The following BTRC variants were observed in gnomAD, a reference collection of about 807,000 sequenced individuals.
BTRC encodes the protein beta-transducin repeat containing E3 ubiquitin protein ligase.
BTRC carries 42 observed loss-of-function variants against 85.5 expected under a neutral mutation model. That is an observed-to-expected ratio of 0.49 (90% CI 0.38 to 0.64). The LOEUF (loss-of-function observed/expected upper bound fraction) is 0.64. BTRC is among the 30% of genes least tolerant of loss of function. BTRC has a pLI of 0.00. For synonymous variants in BTRC, 255 were observed against 263.3 expected, an observed-to-expected ratio of 0.97 and a Z score of 0.30; for missense variants, 594 against 743.5, an observed-to-expected ratio of 0.80 and a Z score of 2.34.
intron 1 of BTRC, among the ~76,000 whole-genome samples, chr10:101,378,014 T>A (rs1171133130): frequency 6.6e-6 from 1 of 152,170 alleles, no homozygotes; most frequent in African/African-American, 2.4e-5. Flanking sequence ...TTATGGACAC[T>A]GTGATCAAGA....
chr10:101,513,257 C>G (rs1443423479), intron 4 of BTRC, among the ~76,000 whole-genome samples: 1 of 152,066 alleles, frequency 6.6e-6, no homozygotes, highest in Non-Finnish European at 1.5e-5. Flanking sequence ...GTGGATTTAT[C>G]AGTAGGAATA....
intron 1 of BTRC, among the ~76,000 whole-genome samples, chr10:101,386,294 A>G (rs1427642282): frequency 6.6e-6 from 1 of 152,232 alleles, no homozygotes; most frequent in Non-Finnish European, 1.5e-5. Context: ...TACACTCTGC[A>G]TCTAGAAGCA....
intron 2 of BTRC, among the ~76,000 whole-genome samples, chr10:101,436,571 C>T (rs774846146): frequency 2.0e-5 from 3 of 151,310 alleles, no homozygotes; most frequent in Non-Finnish European, 2.9e-5. Context: ...GCCATGATTG[C>T]GACACTGCAT....
chr10:101,401,449 G>A (rs1052402694), intron 1 of BTRC, among the ~76,000 whole-genome samples: 1 of 152,142 alleles, frequency 6.6e-6, no homozygotes, highest in African/African-American at 2.4e-5. Context: ...TTTCTTTTAG[G>A]TGGGTATTAA....
At chr10:101,414,030 G>A (rs1943855468) in intron 1 of BTRC, among the ~76,000 whole-genome samples, 2 of 152,056 alleles carry the variant, frequency 1.3e-5, no homozygotes, top group South Asian at 2.1e-4. Flanking sequence ...GTACAATTCA[G>A]TAGTTTTAGC....
intron 13 of BTRC, among the ~76,000 whole-genome samples, chr10:101,550,458 T>C (rs1167384565): frequency 6.6e-6 from 1 of 152,030 alleles, no homozygotes; most frequent in Non-Finnish European, 1.5e-5. Flanking sequence ...TAACTTTTTG[T>C]ATTTTTATAG....
chr10:101,541,794 T>C, intron 13 of BTRC, among the ~76,000 whole-genome samples: 1 of 152,286 alleles, frequency 6.6e-6, no homozygotes, highest in East Asian at 1.9e-4. Context: ...GTTCATGAGG[T>C]ATAATTCTTT....
In BTRC at chr10:101,438,422, CAAAAAAAAA is replaced by C. The variant is rs34955428; in HGVS notation, c.156+7990_156+7998del. Among the ~76,000 whole-genome samples, 73 of 57,776 alleles carry C rather than the reference CAAAAAAAAA, an allele frequency of 1.3e-3. No individual in the cohort carries two copies. The East Asian group carries it at 0.015, about 12-fold the overall frequency. The allele number at this position is 57,776 out of a possible 152,430, so 37.9% of individuals were successfully genotyped here. A position where few individuals can be genotyped will look rare whatever the true frequency, so the allele number is the denominator to read the frequency against. On this transcript the variant is annotated intron_variant, in intron 2 of 14. Transcript: ENST00000370187. The stretch of plus-strand genomic sequence containing the variant: ...CCTGGGCGACAGAGCGAGACTGCCT[CAAAAAAAAA>C]AAAAAAAAAAAAAAAAAAAGTCTTC...
chr10:101,385,872 T>C (rs1943066049), intron 1 of BTRC, among the ~76,000 whole-genome samples: 1 of 151,556 alleles, frequency 6.6e-6, no homozygotes, highest in South Asian at 2.1e-4. Context: ...ATTTAAAAGG[T>C]TTTGCTGATA....
chr10:101,356,635 T>C (rs1564723480), intron 1 of BTRC, among the ~76,000 whole-genome samples: 1 of 152,186 alleles, frequency 6.6e-6, no homozygotes, highest in Non-Finnish European at 1.5e-5. Context: ...TTGCCTGCTG[T>C]TTTGGCTGCC....
chr10:101,503,310 G>C (rs1178048999), intron 4 of BTRC, among the ~76,000 whole-genome samples: 1 of 152,152 alleles, frequency 6.6e-6, no homozygotes, highest in Non-Finnish European at 1.5e-5. Flanking sequence ...TCTACATTTA[G>C]TCATAGTCAT....
At chr10:101,427,045 T>A (rs1053103799) in intron 1 of BTRC, among the ~76,000 whole-genome samples, 15 of 152,254 alleles carry the variant, frequency 9.9e-5, no homozygotes, top group Non-Finnish European at 1.8e-4. Context: ...GTGAGATTTT[T>A]TTCTACCCAG....
At chr10:101,391,997 T>G (rs79798670) in intron 1 of BTRC, among the ~76,000 whole-genome samples, 4 of 152,170 alleles carry the variant, frequency 2.6e-5, no homozygotes, top group African/African-American at 7.2e-5. Flanking sequence ...TTTTTTTTTT[T>G]GAGACGGAGG....
chr10:101,476,913 C>G (rs1042262012), intron 3 of BTRC, among the ~76,000 whole-genome samples: 3 of 152,132 alleles, frequency 2.0e-5, no homozygotes, highest in Non-Finnish European at 2.9e-5. Context: ...GCAGCACTAA[C>G]GTCAACTGGG....
At chr10:101,396,632 A>G (rs2133991897) in intron 1 of BTRC, among the ~76,000 whole-genome samples, 1 of 152,156 alleles carries the variant, frequency 6.6e-6, no homozygotes, top group East Asian at 1.9e-4. Context: ...ACACTTTCTC[A>G]TAGCTCATAA....
At chr10:101,482,838 T>G (rs866917342) in intron 4 of BTRC, among the ~76,000 whole-genome samples, 1 of 152,202 alleles carries the variant, frequency 6.6e-6, no homozygotes, top group African/African-American at 2.4e-5. Context: ...TTGATATGGC[T>G]GCAGTGTTTT....
At chr10:101,430,759 A>G (rs1179755587) in intron 2 of BTRC, among the ~76,000 whole-genome samples, 3 of 152,214 alleles carry the variant, frequency 2.0e-5, no homozygotes, top group African/African-American at 7.2e-5. Flanking sequence ...ATAGCAGTTC[A>G]ATACGTAATA....
chr10:101,366,996 A>ATATATTTATATATATT lies in BTRC; in HGVS notation c.48+12773_48+12774insTTATATATATTTATAT, dbSNP rs1491552137. On this transcript the variant is annotated intron_variant, in intron 1 of 14. Coordinates refer to ENST00000370187, the MANE Select transcript of BTRC (RefSeq NM_033637.4). ...TATATTTATATATTTATATATATTA[A>ATATATTTATATATATT]TATATATATTTATATATATATTTAT... Among the ~76,000 whole-genome samples, 2 of 50,378 alleles carry ATATATTTATATATATT rather than the reference A, an allele frequency of 4.0e-5. 1 individual carries two copies. The highest frequency in any genetic ancestry group is 7.6e-5 in the Non-Finnish European group (2 of 26,308). The allele number at this position is 50,378 out of a possible 152,430, so 33.0% of individuals were successfully genotyped here. A position where few individuals can be genotyped will look rare whatever the true frequency, so the allele number is the denominator to read the frequency against.
chr10:101,422,156 CACCATTCTA>C (rs1369488265), intron 1 of BTRC, among the ~76,000 whole-genome samples: 1 of 152,142 alleles, frequency 6.6e-6, no homozygotes, highest in Non-Finnish European at 1.5e-5. Context: ...TTTTAATGAT[CACCATTCTA>C]ACTGGCGTGA....
Sources: gnomAD v4.1 joint callset for allele counts (sites outside exome capture counted in the v4.1 genomes callset) on GRCh38, gnomAD v4.1.1 for gene constraint, MANE v1.5 for transcripts, NCBI Gene and HGNC (gene_info 2026-07-23, HGNC 2026-07-21) for gene names.